GTF2F1: variants seen among roughly 807,000 people sequenced by gnomAD.
GTF2F1 encodes the protein general transcription factor IIF 74 kDa subunit.
GTF2F1 carries 39 observed loss-of-function variants against 63.5 expected under a neutral mutation model. The ratio of observed to expected loss-of-function variants is 0.61; its 90% CI spans 0.48 to 0.80. The LOEUF (loss-of-function observed/expected upper bound fraction) is 0.80. Among genes scored for constraint, GTF2F1 ranks in the 30% least tolerant of loss-of-function variants. The pLI is 0.00. For missense variants in GTF2F1, 657 were observed against 718.3 expected (o/e 0.91, Z 0.97); for synonymous variants, 287 against 285.3 (o/e 1.01, Z -0.06).
chr19:6,381,245 T>C lies in GTF2F1; in HGVS notation c.1019-50A>G, dbSNP rs755552195. ...GGGCCAGAGCAACCCCGGGACCCGG[T>C]GCCCACTGGTGCCTCCACTGCAGAT... On this transcript the variant is annotated intron_variant, in intron 9 of 12. Coordinates refer to ENST00000394456, the MANE Select transcript of GTF2F1 (RefSeq NM_002096.3). The surrounding 1 kb of genome is among the most constrained non-coding windows in gnomAD (Gnocchi z 4.1). 3 of 1,566,898 alleles carry C rather than the reference T, an allele frequency of 1.9e-6. 1 individual carries two copies. In the South Asian group the frequency reaches 3.5e-5, roughly 18 times the overall value.
Position 6,392,843 on chromosome 19 carries a change from G to C in GTF2F1, c.59+14C>G. 1.2e-6 allele frequency: 2 copies of C among 1,612,188 alleles called. No homozygotes were observed. The highest frequency in any genetic ancestry group is 1.3e-5 in the African/African-American group (1 of 75,010). On this transcript the variant is annotated intron_variant, in intron 2 of 12. Transcript: ENST00000394456. ...GGGGGTGGAGAGGAGTGGGAGATGGGGCTGGGGACTTACTTAGGAACTCGA... is the reference window on the plus strand; with the variant it reads ...GGGGGTGGAGAGGAGTGGGAGATGGCGCTGGGGACTTACTTAGGAACTCGA...
intron 6 of GTF2F1, among the ~76,000 whole-genome samples, chr19:6,382,534 G>C (rs1871601583): frequency 6.6e-6 from 1 of 151,782 alleles, no homozygotes; most frequent in African/African-American, 2.4e-5. Context: ...GGGAGGCTGA[G>C]GCAGGAGAAT....
At chr19:6,391,848 G>T in intron 3 of GTF2F1, 54 bp downstream of exon 3, 1 of 883,804 alleles carries the variant, frequency 1.1e-6, no homozygotes, top group South Asian at 1.5e-5. Context: ...ACCAAGGTCA[G>T]GGTCAAGTTC....
At chr19:6,388,187 C>T (rs1054421913) in intron 4 of GTF2F1, among the ~76,000 whole-genome samples, 3 of 152,198 alleles carry the variant, frequency 2.0e-5, no homozygotes. Flanking sequence ...GCCTCTGCCT[C>T]CCAAAGGGCT....
chr19:6,387,004 C>T (rs2091976324), intron 5 of GTF2F1: 1 of 243,100 alleles, frequency 4.1e-6, no homozygotes, highest in Non-Finnish European at 8.1e-6. Flanking sequence ...CCCTTAACTG[C>T]ACCCGCCCCA....
In GTF2F1 at chr19:6,387,995, T is replaced by C. The variant is rs559596163; in HGVS notation, c.327-436A>G. The stretch of plus-strand genomic sequence containing the variant: ...CCCAGGCTGGAGTGCAGTGGCACCA[T>C]CTCAGCTCACTGCAACCTCCACCTC... On this transcript the variant is annotated intron_variant, in intron 4 of 12. Transcript: ENST00000394456. 3.3e-4 allele frequency among the ~76,000 whole-genome samples: 49 copies of C among 149,896 alleles called. 1 individual carries two copies. In the East Asian group the frequency reaches 9.1e-3, roughly 28 times the overall value.
chr19:6,381,590 T>A lies in GTF2F1; in HGVS notation c.862A>T (p.Lys288Ter). The A allele has an allele frequency of 6.2e-7, 1 of 1,613,828 alleles. No homozygotes were observed. Among genetic ancestry groups the A allele is most frequent in the Non-Finnish European group, 8.5e-7 (1 of 1,180,016 alleles). Residue 288 changes from lysine (K) to a stop codon, truncating the protein, a stop_gained, in exon 8 of 13, where the codon AAG becomes TAG. Transcript: ENST00000394456. LOFTEE classifies it high-confidence loss of function. The surrounding 1 kb of genome is among the most constrained non-coding windows in gnomAD (Gnocchi z 4.1). ...SSSSQEEPESKAKAPQQEEGP... is the reference protein window; with the variant it reads ...SSSSQEEPES ...TCCTCCTGCTGCGGCGCCTTGGCCT[T>A]GCTCTCAGGCTCTTCTTGGGAGCTA...
In GTF2F1 at chr19:6,387,415, G is replaced by C. The variant is rs372099544; in HGVS notation, c.471C>G (p.Ala157=). Residue 157 remains alanine, a synonymous_variant, in exon 5 of 13, where the codon GCC becomes GCG. Coordinates refer to ENST00000394456, the MANE Select transcript of GTF2F1 (RefSeq NM_002096.3). ...TPLARHRTLT[A]EEAEEEWERR... ...TCTCCCACTCCTCCTCGGCCTCCTC[G>C]GCAGTGAGCGTGCGATGCCGGGCCA... 1 of 1,614,184 alleles carries C rather than the reference G, an allele frequency of 6.2e-7. No individual in the cohort carries two copies. Among genetic ancestry groups the C allele is most frequent in the Non-Finnish European group, 8.5e-7 (1 of 1,180,020 alleles).
In GTF2F1 at chr19:6,389,414, A is replaced by G. The variant is rs769014031; in HGVS notation, c.326+30T>C. The G allele has an allele frequency of 1.9e-6, 3 of 1,605,450 alleles. No homozygotes were observed. The South Asian group carries it at 3.3e-5, about 18-fold the overall frequency. ...GCCTGGGGATGTGGACTGGTCACTA[A>G]GCCGGCACCGCCACCGCCCCACCAC... On this transcript the variant is annotated intron_variant, in intron 4 of 12. Transcript: ENST00000394456.
rs201169675 is a variant in GTF2F1, at chr19:6,389,518, G to A, written c.252C>T (p.Tyr84=). 21 of 1,614,202 alleles carry A rather than the reference G, an allele frequency of 1.3e-5. No homozygotes were observed. The highest frequency in any genetic ancestry group is 2.7e-5 in the African/African-American group (2 of 75,062). The change falls in exon 4 of 13, where the codon TAC becomes TAT. Residue 84 remains tyrosine (Y), a synonymous_variant. Coordinates refer to ENST00000394456, the MANE Select transcript of GTF2F1 (RefSeq NM_002096.3). ...KLREEARRKK[Y]GIVLKEFRPE... ...GCCGGAACTCCTTGAGGACGATGCCGTACTTCTTCCTCCGAGCCTCCTCCC... is the reference window on the plus strand; with the variant it reads ...GCCGGAACTCCTTGAGGACGATGCCATACTTCTTCCTCCGAGCCTCCTCCC...
At position 6,380,851 on chromosome 19, in the gene GTF2F1, G is replaced by C; in HGVS notation, c.1231+53C>G. 2 of 1,519,270 alleles carry C rather than the reference G, an allele frequency of 1.3e-6. No individual in the cohort carries two copies. The highest frequency in any genetic ancestry group is 1.3e-5 in the South Asian group (1 of 79,932). 94.1% of individuals were successfully genotyped at this position (1,519,270 alleles called of 1,614,324 possible). ...CTCTCTGTCCTGAGCCCCAACAGAGGTCAGGAGGCTGTGGCTGTGGCTGTG... is the reference window on the plus strand; with the variant it reads ...CTCTCTGTCCTGAGCCCCAACAGAGCTCAGGAGGCTGTGGCTGTGGCTGTG... On this transcript the variant is annotated intron_variant, in intron 11 of 12. Transcript: ENST00000394456. This position sits in a 1 kb window ranked among gnomAD's most constrained non-coding sequence, Gnocchi z 5.3.
chr19:6,381,348 A>T lies in GTF2F1; in HGVS notation c.1018+11T>A. On this transcript the variant is annotated intron_variant, in intron 9 of 12. Transcript: ENST00000394456. The surrounding 1 kb of genome is among the most constrained non-coding windows in gnomAD (Gnocchi z 4.1). ...CCCAAGCCTCCAATATGGGGGCCAC[A>T]TGCGCCGCACCTTTCCTGCGCTTCT... is the stretch of plus-strand genomic sequence containing the variant. 6.3e-7 allele frequency: 1 copy of T among 1,576,090 alleles called. No homozygotes were observed.
At position 6,381,673 on chromosome 19, in the gene GTF2F1, G is replaced by C. The variant is rs368166573; in HGVS notation, c.836+24C>G. On this transcript the variant is annotated intron_variant, in intron 7 of 12. Transcript: ENST00000394456. The surrounding 1 kb of genome is among the most constrained non-coding windows in gnomAD (Gnocchi z 4.1). The stretch of plus-strand genomic sequence containing the variant: ...CGCTCGCGAGGCTGCATGGGGTCTC[G>C]CAGGCGCCTCCCGTCGGCCTCACCT... 1.9e-6 allele frequency: 3 copies of C among 1,614,050 alleles called. No homozygotes were observed. The highest frequency in any genetic ancestry group is 3.3e-5 in the Admixed American group (2 of 60,020).
rs1599209924 is a variant in GTF2F1, at chr19:6,381,850, C to G, written c.683G>C (p.Gly228Ala). ...SDASDASGEEGGRVPKAKKKA... is the reference protein window; with the variant it reads ...SDASDASGEEAGRVPKAKKKA... Reference sequence around the variant, plus strand: ...CTTCTTGGCCTTGGGGACTCTGCCCCCTGGGAAGGGAGGAAAGGAAGGAAA... The same window carrying G: ...CTTCTTGGCCTTGGGGACTCTGCCCGCTGGGAAGGGAGGAAAGGAAGGAAA... The change falls in exon 7 of 13, where the codon GGG becomes GCG. Residue 228 changes from glycine to alanine, a missense_variant and splice_region_variant. By Grantham distance (60) the Gly-to-Ala change is moderately conservative. Around this residue, in one of 2 missense-constraint regions of GTF2F1, gnomAD observed 602 missense variants for 625.6 expected, o/e 0.96. Coordinates refer to ENST00000394456, the MANE Select transcript of GTF2F1 (RefSeq NM_002096.3). This position sits in a 1 kb window ranked among gnomAD's most constrained non-coding sequence, Gnocchi z 4.1. The G allele has an allele frequency of 6.2e-7, 1 of 1,610,964 alleles. No homozygotes were observed. Among genetic ancestry groups the G allele is most frequent in the African/African-American group, 1.3e-5 (1 of 74,946 alleles).
chr19:6,383,831 C>T lies in GTF2F1; in HGVS notation c.498-336G>A, dbSNP rs2091964508. Among the ~76,000 whole-genome samples, 1 of 152,162 alleles carries T rather than the reference C, an allele frequency of 6.6e-6. No individual in the cohort carries two copies. Among genetic ancestry groups the T allele is most frequent in the Non-Finnish European group, 1.5e-5 (1 of 68,028 alleles). On this transcript the variant is annotated intron_variant, in intron 5 of 12. Transcript: ENST00000394456. The surrounding 1 kb of genome is among the most constrained non-coding windows in gnomAD (Gnocchi z 4.5). ...TTATTTTCTGAGACAGAGTATCGCT[C>T]TGTCGCCCAGACTGGAGTGCAGTGA...
chr19:6,382,557 G>C (rs1340039661), intron 6 of GTF2F1, among the ~76,000 whole-genome samples: 1 of 151,474 alleles, frequency 6.6e-6, no homozygotes, highest in East Asian at 2.0e-4. Context: ...CTTGAACCTG[G>C]GAGGCAGAGG....
In GTF2F1 at chr19:6,381,071, G is replaced by A. The variant is rs770095830; in HGVS notation, c.1093-29C>T. Reference sequence around the variant, plus strand: ...CAGAGGTCAGGGTTGGGAGGTGGGTGAGTCTGCAAACAGACGCCCAGGCCT... The same window carrying A: ...CAGAGGTCAGGGTTGGGAGGTGGGTAAGTCTGCAAACAGACGCCCAGGCCT... On this transcript the variant is annotated intron_variant, in intron 10 of 12. Transcript: ENST00000394456. This position sits in a 1 kb window ranked among gnomAD's most constrained non-coding sequence, Gnocchi z 4.1. 1.2e-6 allele frequency: 2 copies of A among 1,609,634 alleles called. No individual in the cohort carries two copies. The highest frequency in any genetic ancestry group is 1.7e-6 in the Non-Finnish European group (2 of 1,178,088).
At position 6,391,028 on chromosome 19, in the gene GTF2F1, T is replaced by C. The variant is rs116445526; in HGVS notation, c.132+874A>G. Among the ~76,000 whole-genome samples the C allele has an allele frequency of 7.8e-3, 1,195 of 152,320 alleles. 12 individuals are homozygous for C. The highest frequency in any genetic ancestry group is 0.028 in the African/African-American group (1,147 of 41,570). On this transcript the variant is annotated intron_variant, in intron 3 of 12. Transcript: ENST00000394456. Reference sequence around the variant, plus strand: ...TTAAGCTCTTGATTTAAGGTCCATATATACCATTTCCAAAACACTCTAGAA... The same window carrying C: ...TTAAGCTCTTGATTTAAGGTCCATACATACCATTTCCAAAACACTCTAGAA...
At position 6,380,939 on chromosome 19, in the gene GTF2F1, G is replaced by C. The variant is rs1385272539; in HGVS notation, c.1196C>G (p.Ser399Cys). 1 of 1,585,374 alleles carries C rather than the reference G, an allele frequency of 6.3e-7. No individual in the cohort carries two copies. The highest frequency in any genetic ancestry group is 8.6e-7 in the Non-Finnish European group (1 of 1,166,528). The part of the protein sequence containing the change: ...TPSAEGGSTS[S>C]TLRAAASKLE... Reference sequence around the variant, plus strand: ...TTTGCTGGCAGCCGCCCGCAGGGTGGAGGAGGTGCTGCCACCCTCTGCGCT... The same window carrying C: ...TTTGCTGGCAGCCGCCCGCAGGGTGCAGGAGGTGCTGCCACCCTCTGCGCT... The change falls in exon 11 of 13, where the codon TCC becomes TGC. Residue 399 changes from serine (S) to cysteine (C), a missense_variant. Physicochemically the swap from Ser to Cys is moderately radical, Grantham distance 112. Around this residue, in one of 2 missense-constraint regions of GTF2F1, gnomAD observed 602 missense variants for 625.6 expected, o/e 0.96. Transcript: ENST00000394456. This position sits in a 1 kb window ranked among gnomAD's most constrained non-coding sequence, Gnocchi z 5.3.
Sources: allele counts gnomAD v4.1 joint callset (sites outside exome capture counted in the v4.1 genomes callset), GRCh38; gene constraint gnomAD v4.1.1; regional missense constraint gnomAD v4.1.1; non-coding constraint Gnocchi (gnomAD v3.1); transcripts MANE v1.5; gene names NCBI Gene and HGNC (gene_info 2026-07-23, HGNC 2026-07-21).